Variants in PIDD1 observed in about 807,000 individuals in gnomAD.
PIDD1 encodes the protein p53-induced death domain-containing protein 1.
Under a neutral mutation model 80.0 loss-of-function variants are expected in PIDD1, and 72 were observed. That is an observed-to-expected ratio of 0.90 (90% CI 0.74 to 1.09). PIDD1 has a LOEUF of 1.09. Among genes scored for constraint, PIDD1 ranks in the 50% least tolerant of loss-of-function variants. The pLI is 0.00. For synonymous variants in PIDD1, 655 were observed against 543.5 expected, an observed-to-expected ratio of 1.21 and a Z score of -2.85; for missense variants, 1,329 against 1,228.3, an observed-to-expected ratio of 1.08 and a Z score of -1.23.
intron 7 of PIDD1, 62 bp from the exon 8 acceptor site, chr11:801,686 CAG>C (rs1445040260): frequency 7.2e-7 from 1 of 1,387,906 alleles, no homozygotes; most frequent in South Asian, 1.2e-5. Flanking sequence ...GTCAGGGACA[CAG>C]GGAGCAGGAT....
At chr11:807,753 G>C (rs1865850746), upstream of PIDD1, among the ~76,000 whole-genome samples, 1 of 152,176 alleles carries the variant, frequency 6.6e-6, no homozygotes, top group African/African-American at 2.4e-5. Context: ...CTCCAGCCTG[G>C]GCGGCAGAGC....
chr11:805,615 C>T (rs1337767643), upstream of PIDD1: 26 of 985,224 alleles, frequency 2.6e-5, no homozygotes, highest in Non-Finnish European at 3.1e-5. Flanking sequence ...CCCGCACCCA[C>T]CCCTGCTACA....
In PIDD1 at chr11:800,622, G is replaced by A. The variant is rs768036410; in HGVS notation, c.1962C>T (p.Pro654=). The A allele has an allele frequency of 4.1e-5, 66 of 1,600,936 alleles. No homozygotes were observed. The highest frequency in any genetic ancestry group is 3.2e-4 in the Admixed American group (19 of 59,612). ...LRRLLERYRG[P]EPSDTVEMFE... is the part of the protein sequence containing the mutation. ...ACATCTCCACCGTGTCAGAGGGCTC[G>A]GGGCCCCGGTACCGCTCCAGCAGCC... The change falls in exon 12 of 16, where the codon CCC becomes CCT. Residue 654 remains proline, a synonymous_variant. Transcript: ENST00000347755.
At position 804,430 on chromosome 11, in the gene PIDD1, G is replaced by C; in HGVS notation, c.-42C>G. ...TTGGAGGCCAGACATGTCCCAGCAC[G>C]CAGGCAGGCCTGTCCAGGCAGCGCC... On this transcript the variant is annotated 5_prime_UTR_variant, in exon 2 of 16. Coordinates refer to ENST00000347755, the MANE Select transcript of PIDD1 (RefSeq NM_145886.4). The C allele has an allele frequency of 6.5e-7, 1 of 1,546,356 alleles. No individual in the cohort carries two copies. Among genetic ancestry groups the C allele is most frequent in the Non-Finnish European group, 8.7e-7 (1 of 1,147,120 alleles).
rs746942999 is a variant in PIDD1, at chr11:800,003, C to T, written c.2286G>A (p.Gly762=). 2.5e-6 allele frequency: 4 copies of T among 1,612,648 alleles called. No individual in the cohort carries two copies. The highest frequency in any genetic ancestry group is 3.3e-5 in the Admixed American group (2 of 60,000). The change falls in exon 15 of 16, where the codon GGG becomes GGA. Residue 762 remains glycine (G), a synonymous_variant. Transcript: ENST00000347755. The stretch of plus-strand genomic sequence containing the variant: ...CAGCCCCCCGCCGTGGCCCCTCGGA[C>T]CCTCGAAGTCTCTGTTGGAAGGAAA... ...TLPIKLPRLR[G]SEGPRRGAGL...
upstream of PIDD1, among the ~76,000 whole-genome samples, chr11:808,791 C>G (rs1466219983): frequency 6.6e-6 from 1 of 152,214 alleles, no homozygotes; most frequent in Non-Finnish European, 1.5e-5. Flanking sequence ...CTTTCTGTAC[C>G]CAACTGCCTC....
chr11:801,756 G>C, intron 7 of PIDD1, 132 bp from the exon 8 acceptor site: 1 of 891,746 alleles, frequency 1.1e-6, no homozygotes, highest in South Asian at 1.5e-5. Flanking sequence ...GGATCCAGGA[G>C]GGACGGGGTG....
chr11:800,537 C>G lies in PIDD1; in HGVS notation c.2041+6G>C, dbSNP rs746088967. On this transcript the variant is annotated splice_donor_region_variant and intron_variant, in intron 12 of 15. Coordinates refer to ENST00000347755, the MANE Select transcript of PIDD1 (RefSeq NM_145886.4). Reference sequence around the variant, plus strand: ...CAGGGCAGGGAGCATCCACCAGCATCCCTACCAGCATCCACGTCGATGCCG... The same window carrying G: ...CAGGGCAGGGAGCATCCACCAGCATGCCTACCAGCATCCACGTCGATGCCG... The G allele has an allele frequency of 7.5e-6, 12 of 1,608,800 alleles. No homozygotes were observed. The highest frequency in any genetic ancestry group is 4.5e-5 in the East Asian group (2 of 44,870).
At chr11:808,208 C>G, upstream of PIDD1, among the ~76,000 whole-genome samples, 1 of 151,904 alleles carries the variant, frequency 6.6e-6, no homozygotes, top group Non-Finnish European at 1.5e-5. Flanking sequence ...GGGAAGATCA[C>G]TTGAAGTCAG....
rs890714642 is a variant in PIDD1, at chr11:800,172, C to T, written c.2233G>A (p.Ala745Thr). Residue 745 changes from alanine (A) to threonine (T), a missense_variant, in exon 14 of 16, where the codon GCA becomes ACA. By Grantham distance (58) the Ala-to-Thr change is moderately conservative. Coordinates refer to ENST00000347755, the MANE Select transcript of PIDD1 (RefSeq NM_145886.4). Reference protein sequence around the residue: ...EAEAARQRKGADALWMATLPI... With the variant: ...EAEAARQRKGTDALWMATLPI... ...AGAGTGGCCATCCACAGGGCGTCTGCGCCCTTCCTCTGCCGGGCAGCCTCA... is the reference window on the plus strand; with the variant it reads ...AGAGTGGCCATCCACAGGGCGTCTGTGCCCTTCCTCTGCCGGGCAGCCTCA... 12 of 1,610,584 alleles carry T rather than the reference C, an allele frequency of 7.5e-6. No homozygotes were observed. Among genetic ancestry groups the T allele is most frequent in the Middle Eastern group, 1.6e-4 (1 of 6,082 alleles).
At chr11:807,755 C>T (rs1176444247), upstream of PIDD1, among the ~76,000 whole-genome samples, 3 of 151,978 alleles carry the variant, frequency 2.0e-5, no homozygotes, top group African/African-American at 7.3e-5. Flanking sequence ...CCAGCCTGGG[C>T]GGCAGAGCAA....
rs752097429 is a variant in PIDD1, at chr11:800,572, G to C, written c.2012C>G (p.Ala671Gly). The C allele has an allele frequency of 1.2e-6, 2 of 1,608,596 alleles. No individual in the cohort carries two copies. Among genetic ancestry groups the C allele is most frequent in the Non-Finnish European group, 8.5e-7 (1 of 1,179,602 alleles). ...EMFEGEEFFA[A>G]FERGIDVDAD... ...ATCCACGTCGATGCCGCGCTCGAAGGCCGCAAAGAACTCTTCGCCCTCGAA... is the reference window on the plus strand; with the variant it reads ...ATCCACGTCGATGCCGCGCTCGAAGCCCGCAAAGAACTCTTCGCCCTCGAA... The change falls in exon 12 of 16, where the codon GCC (alanine) becomes GGC (glycine). Residue 671 changes from alanine to glycine, a missense_variant. By Grantham distance (60) the Ala-to-Gly change is moderately conservative. Coordinates refer to ENST00000347755, the MANE Select transcript of PIDD1 (RefSeq NM_145886.4).
intron 1 of PIDD1, 116 bp from the exon 2 acceptor site, chr11:804,579 C>A (rs1206299330): frequency 1.9e-5 from 21 of 1,088,558 alleles, no homozygotes; most frequent in Non-Finnish European, 2.6e-5. Context: ...GCCTGGGCTG[C>A]AGAGTGGGGG....
At chr11:805,468 A>T (rs1024553613), upstream of PIDD1, 11 of 374,934 alleles carry the variant, frequency 2.9e-5, no homozygotes, top group Non-Finnish European at 4.0e-5. Flanking sequence ...GCGGGGTCGG[A>T]GCCGTACAGC....
chr11:800,746 C>T lies in PIDD1; in HGVS notation c.1917+16G>A, dbSNP rs566362149. ...CTCTGGTCACCACCCTGCTGCCCTC[C>T]GGCCCGTGCCCCCACCTTGTTTCGG... is the stretch of plus-strand genomic sequence containing the variant. On this transcript the variant is annotated intron_variant, in intron 11 of 15. Coordinates refer to ENST00000347755, the MANE Select transcript of PIDD1 (RefSeq NM_145886.4). The T allele has an allele frequency of 3.5e-4, 543 of 1,544,938 alleles. No homozygotes were observed. The highest frequency in any genetic ancestry group is 4.4e-4 in the Non-Finnish European group (508 of 1,146,948).
Position 800,463 on chromosome 11 carries a change from G to A in PIDD1, c.2042-12C>T, listed in dbSNP as rs756837738. On this transcript the variant is annotated splice_polypyrimidine_tract_variant and intron_variant, in intron 12 of 15. Transcript: ENST00000347755. ...ACAGTCAGGGCGGTCTAGGGGACAGGGGTGGGCTGAGCAAGGAGGGCTCGG... is the reference window on the plus strand; with the variant it reads ...ACAGTCAGGGCGGTCTAGGGGACAGAGGTGGGCTGAGCAAGGAGGGCTCGG... 8 of 1,611,868 alleles carry A rather than the reference G, an allele frequency of 5.0e-6. No homozygotes were observed. Among genetic ancestry groups the A allele is most frequent in the Non-Finnish European group, 5.1e-6 (6 of 1,179,980 alleles).
upstream of PIDD1, among the ~76,000 whole-genome samples, chr11:809,242 G>A (rs1187943960): frequency 1.3e-5 from 2 of 152,204 alleles, no homozygotes; most frequent in Non-Finnish European, 2.9e-5. Context: ...CGCAGGGGCT[G>A]ACCACTCAGA....
upstream of PIDD1, chr11:809,288 C>T (rs1245935810): frequency 6.6e-6 from 1 of 152,282 alleles, no homozygotes; most frequent in Non-Finnish European, 1.5e-5. Flanking sequence ...GCGACGCTGC[C>T]TCACGTCATT....
Position 803,431 on chromosome 11 carries a change from C to A in PIDD1, c.452G>T (p.Gly151Val). ...PACVLQMRGL[G>V]ALLLSHNCLS... The stretch of plus-strand genomic sequence containing the variant: ...GCAGTTGTGAGACAGCAAGAGCGCA[C>A]CCAGACCTCGCATCTGCAGGACACA... The change falls in exon 3 of 16, where the codon GGT becomes GTT. Residue 151 changes from glycine to valine, a missense_variant. Coordinates refer to ENST00000347755, the MANE Select transcript of PIDD1 (RefSeq NM_145886.4). 1 of 1,613,896 alleles carries A rather than the reference C, an allele frequency of 6.2e-7. No individual in the cohort carries two copies. Among genetic ancestry groups the A allele is most frequent in the Non-Finnish European group, 8.5e-7 (1 of 1,180,004 alleles).
Sources: gnomAD v4.1 joint callset for allele counts (sites outside exome capture counted in the v4.1 genomes callset) on GRCh38, gnomAD v4.1.1 for gene constraint, MANE v1.5 for transcripts, NCBI Gene and HGNC (gene_info 2026-07-23, HGNC 2026-07-21) for gene names.